AK1: variants seen among roughly 807,000 people sequenced by gnomAD.
AK1 encodes adenylate kinase 1, also known as adenylate kinase isoenzyme 1.
AK1 carries 13 observed loss-of-function variants against 23.9 expected under a neutral mutation model. The observed-to-expected ratio is 0.54, with a 90% CI of 0.35 to 0.86. The LOEUF is 0.86. AK1 is among the 40% of genes least tolerant of loss of function. The pLI is 0.01. For synonymous variants in AK1, 97 were observed against 102.8 expected, an observed-to-expected ratio of 0.94 and a Z score of 0.34; for missense variants, 214 against 255.1, an observed-to-expected ratio of 0.84 and a Z score of 1.10.
At chr9:127,874,981 T>C in intron 1 of AK1, 1 of 330,760 alleles carries the variant, frequency 3.0e-6, no homozygotes, top group South Asian at 3.0e-5. Context: ...GCCACACAAC[T>C]GCAGAGCTGC....
chr9:127,873,286 G>A (rs2131405872), intron 2 of AK1: 1 of 1,532,968 alleles, frequency 6.5e-7, no homozygotes, highest in East Asian at 2.5e-5. Flanking sequence ...CAGCCAGACG[G>A]GCAGAGGCAA....
chr9:127,870,611 C>G (rs573815394), intron 5 of AK1, among the ~76,000 whole-genome samples: 2 of 152,268 alleles, frequency 1.3e-5, no homozygotes, highest in South Asian at 4.1e-4. Context: ...GCACCTAACA[C>G]AGGGTCAGGG....
At chr9:127,869,148 A>G (rs994524678) in intron 5 of AK1, among the ~76,000 whole-genome samples, 1 of 151,800 alleles carries the variant, frequency 6.6e-6, no homozygotes, top group African/African-American at 2.4e-5. Context: ...ACAGCATGTC[A>G]TCCATGTCAT....
chr9:127,875,734 C>T (rs997481503), intron 1 of AK1, among the ~76,000 whole-genome samples: 2 of 152,066 alleles, frequency 1.3e-5, no homozygotes, highest in Admixed American at 6.5e-5. Flanking sequence ...CAGCTCCAGG[C>T]CCCTATGGCC....
At chr9:127,878,957 A>AC (rs772815887), upstream of AK1, among the ~76,000 whole-genome samples, 5 of 152,050 alleles carry the variant, frequency 3.3e-5, no homozygotes, top group Admixed American at 6.6e-5. Context: ...ACTCCTGTTA[A>AC]CCCCACCACT....
intron 2 of AK1, chr9:127,874,059 C>A (rs530009468): frequency 3.0e-6 from 3 of 985,344 alleles, no homozygotes; most frequent in Non-Finnish European, 2.4e-6. Context: ...GCAGCAGCAG[C>A]AGCAGGCCCG....
intron 5 of AK1, among the ~76,000 whole-genome samples, chr9:127,870,061 C>T (rs1024308237): frequency 5.3e-5 from 8 of 152,280 alleles, no homozygotes; most frequent in East Asian, 3.9e-4. Flanking sequence ...CTCCCTCCTT[C>T]GGTGAAGCCC....
chr9:127,876,115 C>A (rs1045613146), intron 1 of AK1, among the ~76,000 whole-genome samples: 2 of 152,190 alleles, frequency 1.3e-5, no homozygotes, highest in African/African-American at 2.4e-5. Context: ...AGATGTTGTA[C>A]CCAATGCCTG....
rs1468187723 is a variant in AK1, at chr9:127,871,025, A to G, written c.324+798T>C. 2.6e-5 allele frequency among the ~76,000 whole-genome samples: 4 copies of G among 151,812 alleles called. No homozygotes were observed. The highest frequency in any genetic ancestry group is 6.5e-5 in the Admixed American group (1 of 15,284). ...TGTGCGAGCACGTGTGCATTCCTGCATATGTGTGCTGCGTCCGTGACATGC... is the reference window on the plus strand; with the variant it reads ...TGTGCGAGCACGTGTGCATTCCTGCGTATGTGTGCTGCGTCCGTGACATGC... On this transcript the variant is annotated intron_variant, in intron 5 of 6. Coordinates refer to ENST00000644144, the MANE Select transcript of AK1 (RefSeq NM_000476.3). This position sits in a 1 kb window ranked among gnomAD's most constrained non-coding sequence, Gnocchi z 4.4.
At chr9:127,875,822 C>T (rs373524127) in intron 1 of AK1, among the ~76,000 whole-genome samples, 12 of 152,268 alleles carry the variant, frequency 7.9e-5, no homozygotes, top group Non-Finnish European at 1.0e-4. Context: ...ACCCTCCCCT[C>T]CCCAGGCTCT....
chr9:127,873,079 G>C lies in AK1; in HGVS notation c.8-18C>G. 1 of 1,612,854 alleles carries C rather than the reference G, an allele frequency of 6.2e-7. No individual in the cohort carries two copies. The highest frequency in any genetic ancestry group is 1.1e-5 in the South Asian group (1 of 90,872). ...CAGCTTCTCTGCGGGAGAGAAAAGGGGAGCAGGGCTCAGTCACTCGCTGGA... is the reference window on the plus strand; with the variant it reads ...CAGCTTCTCTGCGGGAGAGAAAAGGCGAGCAGGGCTCAGTCACTCGCTGGA... On this transcript the variant is annotated intron_variant, in intron 2 of 6. Coordinates refer to ENST00000644144, the MANE Select transcript of AK1 (RefSeq NM_000476.3).
In AK1 at chr9:127,867,779, G is replaced by A. The variant is rs1310674225; in HGVS notation, c.*229C>T. 2 of 532,046 alleles carry A rather than the reference G, an allele frequency of 3.8e-6. No individual in the cohort carries two copies. The highest frequency in any genetic ancestry group is 6.8e-6 in the Non-Finnish European group (2 of 293,552). The allele number at this position is 532,046 out of a possible 1,614,324, so 33.0% of individuals were successfully genotyped here. On this transcript the variant is annotated 3_prime_UTR_variant, in exon 7 of 7. Transcript: ENST00000644144. Reference sequence around the variant, plus strand: ...TGAGGGGCTGGGGACTTGCGGCCAGGTAGGCACAAGCACATGAATCAACTC... The same window carrying A: ...TGAGGGGCTGGGGACTTGCGGCCAGATAGGCACAAGCACATGAATCAACTC...
chr9:127,867,917 C>T lies in AK1; in HGVS notation c.*91G>A. 1 of 1,257,264 alleles carries T rather than the reference C, an allele frequency of 8.0e-7. No individual in the cohort carries two copies. The highest frequency in any genetic ancestry group is 1.2e-6 in the Non-Finnish European group (1 of 855,644). 77.9% of individuals were successfully genotyped at this position (1,257,264 alleles called of 1,614,324 possible). A position where few individuals can be genotyped will look rare whatever the true frequency, so the allele number is the denominator to read the frequency against. On this transcript the variant is annotated 3_prime_UTR_variant, in exon 7 of 7. Transcript: ENST00000644144. ...CTTCCTCCGTCTGTGCTCAGCAGGG[C>T]AGGGTGGAGGCGCTGCGCTCAGGCC...
rs1291299916 is a variant in AK1, at chr9:127,877,011, C to T, written c.-33+612G>A. ...CAACTGACTAGGGTTCGAATCCCAG[C>T]TCCATCACTCAGCTGTGTGACCTTG... is the stretch of plus-strand genomic sequence containing the variant. On this transcript the variant is annotated intron_variant, in intron 1 of 6. Coordinates refer to ENST00000644144, the MANE Select transcript of AK1 (RefSeq NM_000476.3). This position sits in a 1 kb window ranked among gnomAD's most constrained non-coding sequence, Gnocchi z 5.2. 6.6e-6 allele frequency among the ~76,000 whole-genome samples: 1 copy of T among 152,206 alleles called. No homozygotes were observed. The highest frequency in any genetic ancestry group is 1.5e-5 in the Non-Finnish European group (1 of 68,032).
At position 127,868,426 on chromosome 9, in the gene AK1, C is replaced by T; in HGVS notation, c.411G>A (p.Gly137=). The stretch of plus-strand genomic sequence containing the variant: ...TGGTCTCCTCATTGTCGTCCACACG[C>T]CCGCTGGTCTCTCCACGTTTCAAGA... ...QRLLKRGETS[G]RVDDNEETIK... Residue 137 remains glycine, a synonymous_variant, in exon 6 of 7, where the codon GGG becomes GGA. Transcript: ENST00000644144. This position sits in a 1 kb window ranked among gnomAD's most constrained non-coding sequence, Gnocchi z 4.1. The T allele has an allele frequency of 6.2e-7, 1 of 1,612,024 alleles. No individual in the cohort carries two copies.
chr9:127,871,737 T>C lies in AK1; in HGVS notation c.324+86A>G. The C allele has an allele frequency of 9.1e-6, 10 of 1,093,102 alleles. No homozygotes were observed. The highest frequency in any genetic ancestry group is 1.4e-5 in the Non-Finnish European group (10 of 717,774). The allele number at this position is 1,093,102 out of a possible 1,614,324, so 67.7% of individuals were successfully genotyped here. ...CCTCTGCTCAGAACTCTGACCTGCA[T>C]CACAGCCCCCGCAGGCCCGCCCATG... On this transcript the variant is annotated intron_variant, in intron 5 of 6. Coordinates refer to ENST00000644144, the MANE Select transcript of AK1 (RefSeq NM_000476.3). This position sits in a 1 kb window ranked among gnomAD's most constrained non-coding sequence, Gnocchi z 4.4.
At chr9:127,876,706 G>A (rs1829545843) in intron 1 of AK1, among the ~76,000 whole-genome samples, 1 of 151,190 alleles carries the variant, frequency 6.6e-6, no homozygotes, top group South Asian at 2.1e-4. Context: ...CGCCCTGATG[G>A]CACCTGCCAC....
Position 127,868,203 on chromosome 9 carries a change from C to G in AK1, c.516+118G>C, listed in dbSNP as rs151213588. 6.9e-7 allele frequency: 1 copy of G among 1,440,346 alleles called. No homozygotes were observed. Among genetic ancestry groups the G allele is most frequent in the South Asian group, 1.2e-5 (1 of 83,468 alleles). The allele number at this position is 1,440,346 out of a possible 1,614,324, so 89.2% of individuals were successfully genotyped here. On this transcript the variant is annotated intron_variant, in intron 6 of 6. Coordinates refer to ENST00000644144, the MANE Select transcript of AK1 (RefSeq NM_000476.3). This position sits in a 1 kb window ranked among gnomAD's most constrained non-coding sequence, Gnocchi z 4.1. ...TAATTGACAGCAGCCCCTCATTGAA[C>G]CAGTGGGGAAACCAAGGCCCAGAGA...
chr9:127,875,563 G>A (rs1057116710), intron 1 of AK1, among the ~76,000 whole-genome samples: 2 of 151,222 alleles, frequency 1.3e-5, no homozygotes, highest in African/African-American at 4.9e-5. Flanking sequence ...TCCACCCAAG[G>A]CACCCACACC....
Sources: allele counts gnomAD v4.1 joint callset (sites outside exome capture counted in the v4.1 genomes callset), GRCh38; gene constraint gnomAD v4.1.1; non-coding constraint Gnocchi (gnomAD v3.1); transcripts MANE v1.5; gene names NCBI Gene and HGNC (gene_info 2026-07-23, HGNC 2026-07-21).